Variants in PLB1 observed in about 807,000 individuals in gnomAD.
PLB1 encodes phospholipase B1, also known as phospholipase B1, membrane-associated.
In PLB1, 242 loss-of-function variants were observed where a neutral mutation model predicts 227.4. The ratio of observed to expected loss-of-function variants is 1.06; its 90% CI spans 0.96 to 1.18. PLB1 has a LOEUF of 1.18. Ranked by LOEUF, PLB1 falls within the 50% of genes most tolerant of loss-of-function variation. The pLI, the probability that PLB1 is intolerant of heterozygous loss-of-function variation, is 0.00. For missense variants in PLB1, 1,858 were observed against 1,816.3 expected, an observed-to-expected ratio of 1.02 and a Z score of -0.42; for synonymous variants, 757 against 682.2, an observed-to-expected ratio of 1.11 and a Z score of -1.71.
intron 1 of PLB1, among the ~76,000 whole-genome samples, chr2:28,509,036 C>A (rs542519150): frequency 6.6e-6 from 1 of 152,260 alleles, no homozygotes; most frequent in East Asian, 1.9e-4. Flanking sequence ...ATAACGACCT[C>A]ATGAAGAAGA....
chr2:28,539,238 G>T (rs1274379788), intron 11 of PLB1, 60 bp downstream of exon 11: 1 of 1,449,594 alleles, frequency 6.9e-7, no homozygotes. Flanking sequence ...TGTGCGGCCT[G>T]TGGGGGCCCT....
At chr2:28,618,148 G>A (rs1169501967) in intron 45 of PLB1, among the ~76,000 whole-genome samples, 193 bp from the exon 46 acceptor site, 1 of 152,214 alleles carries the variant, frequency 6.6e-6, no homozygotes. Flanking sequence ...GTGGATGATA[G>A]CCATGGAACC....
chr2:28,541,861 G>A (rs761250186), intron 13 of PLB1, 50 bp downstream of exon 13: 3 of 1,441,390 alleles, frequency 2.1e-6, no homozygotes, highest in Non-Finnish European at 2.9e-6. Context: ...GGCCGGGCAT[G>A]GTGGCTCACT....
intron 40 of PLB1, among the ~76,000 whole-genome samples, 171 bp downstream of exon 40, chr2:28,604,218 G>A (rs1684327355): frequency 6.6e-6 from 1 of 152,190 alleles, no homozygotes; most frequent in Non-Finnish European, 1.5e-5. Context: ...TGGTGTCTCA[G>A]GTGCCCTGGT....
chr2:28,505,352 A>G (rs1174284515), intron 1 of PLB1, among the ~76,000 whole-genome samples: 1 of 152,238 alleles, frequency 6.6e-6, no homozygotes, highest in African/African-American at 2.4e-5. Context: ...TACATATGAA[A>G]ACAGATTCCT....
At chr2:28,557,951 A>G (rs1675392026) in intron 17 of PLB1, among the ~76,000 whole-genome samples, 2 of 152,118 alleles carry the variant, frequency 1.3e-5, no homozygotes, top group African/African-American at 4.8e-5. Context: ...AACTCCTCCC[A>G]CCCAGGTTTG....
chr2:28,496,066 C>T lies in PLB1; in HGVS notation c.-49C>T. 6.3e-7 allele frequency: 1 copy of T among 1,575,864 alleles called. No individual in the cohort carries two copies. Among genetic ancestry groups the T allele is most frequent in the South Asian group, 1.1e-5 (1 of 90,270 alleles). On this transcript the variant is annotated 5_prime_UTR_variant, in exon 1 of 58. Coordinates refer to ENST00000327757, the MANE Select transcript of PLB1 (RefSeq NM_153021.5). Reference sequence around the variant, plus strand: ...GGAGGAGGTGTGATAGCCCATCCATCTGCTGGAGCAGCTCTTCCAGAGGCC... The same window carrying T: ...GGAGGAGGTGTGATAGCCCATCCATTTGCTGGAGCAGCTCTTCCAGAGGCC...
chr2:28,544,995 A>G (rs1204302699), intron 14 of PLB1, among the ~76,000 whole-genome samples: 1 of 152,128 alleles, frequency 6.6e-6, no homozygotes, highest in African/African-American at 2.4e-5. Flanking sequence ...TGGTGGCAAT[A>G]GCAATAATAA....
In PLB1 at chr2:28,579,786, G is replaced by A. The variant is rs1679614737; in HGVS notation, c.1566+79G>A. The A allele has an allele frequency of 1.1e-5, 14 of 1,227,314 alleles. No individual in the cohort carries two copies. In the South Asian group the frequency reaches 1.2e-4, roughly 11 times the overall value. 76.0% of individuals were successfully genotyped at this position (1,227,314 alleles called of 1,614,324 possible). ...GCCCGGTCACTTGCTCTGCCCGGGA[G>A]GAGTACAGCTAAGTTGGGACTCAGG... On this transcript the variant is annotated intron_variant, in intron 23 of 57. Coordinates refer to ENST00000327757, the MANE Select transcript of PLB1 (RefSeq NM_153021.5).
chr2:28,554,260 G>A (rs1291151550), intron 17 of PLB1, among the ~76,000 whole-genome samples: 1 of 151,932 alleles, frequency 6.6e-6, no homozygotes, highest in Non-Finnish European at 1.5e-5. Flanking sequence ...ATTAGGTATA[G>A]ATACAGATAG....
At chr2:28,579,115 C>T (rs1219365001) in intron 22 of PLB1, among the ~76,000 whole-genome samples, 4 of 152,220 alleles carry the variant, frequency 2.6e-5, no homozygotes, top group African/African-American at 9.6e-5. Flanking sequence ...CCTTACCCTA[C>T]TCAGCCTCTC....
intron 41 of PLB1, among the ~76,000 whole-genome samples, chr2:28,604,998 A>G (rs938617589): frequency 1.3e-5 from 2 of 152,180 alleles, no homozygotes; most frequent in African/African-American, 2.4e-5. Flanking sequence ...TGTGCTTCCC[A>G]TAGATAAAAC....
chr2:28,521,353 A>G (rs1190739787), intron 4 of PLB1, among the ~76,000 whole-genome samples: 1 of 152,180 alleles, frequency 6.6e-6, no homozygotes, highest in African/African-American at 2.4e-5. Flanking sequence ...AGAAATCACC[A>G]CACTATTTTC....
At position 28,525,933 on chromosome 2, in the gene PLB1, G is replaced by A. The variant is rs1290180788; in HGVS notation, c.313G>A (p.Gly105Arg). The A allele has an allele frequency of 1.9e-6, 3 of 1,614,012 alleles. No individual in the cohort carries two copies. The highest frequency in any genetic ancestry group is 2.2e-5 in the East Asian group (1 of 44,870). ...WTERPQQVCMGVMTVLSDIIR... is the reference protein window; with the variant it reads ...WTERPQQVCMRVMTVLSDIIR... ...TGAAAGGCCACAGCAGGTGTGCATGGGAGTGATGACAGGTGAGTTGTGGTT... is the reference window on the plus strand; with the variant it reads ...TGAAAGGCCACAGCAGGTGTGCATGAGAGTGATGACAGGTGAGTTGTGGTT... The change falls in exon 6 of 58, where the codon GGA becomes AGA. Residue 105 changes from glycine (G) to arginine (R), a missense_variant. Physicochemically the swap from Gly to Arg is moderately radical, Grantham distance 125. Transcript: ENST00000327757.
chr2:28,524,115 C>T lies in PLB1; in HGVS notation c.244-1152C>T, dbSNP rs187110412. On this transcript the variant is annotated intron_variant, in intron 4 of 57. Coordinates refer to ENST00000327757, the MANE Select transcript of PLB1 (RefSeq NM_153021.5). ...TGACCTAGGTCTATAGGCAGGTGCT[C>T]ATTGTGGCTGGGTGGTCAGGACAGA... 1.3e-5 allele frequency among the ~76,000 whole-genome samples: 2 copies of T among 152,270 alleles called. 1 individual carries two copies. The highest frequency in any genetic ancestry group is 3.9e-4 in the East Asian group (2 of 5,174).
intron 23 of PLB1, among the ~76,000 whole-genome samples, chr2:28,581,508 AATAAAT>A (rs2148269767): frequency 7.0e-6 from 1 of 143,164 alleles, no homozygotes; most frequent in African/African-American, 2.7e-5. Context: ...TAAATAAATA[AATAAAT>A]AAATAAATAA....
chr2:28,585,499 ACTCCTGAC>A, intron 25 of PLB1: 1 of 370,562 alleles, frequency 2.7e-6, no homozygotes, highest in African/African-American at 2.1e-5. Flanking sequence ...CTGGTCTTGA[ACTCCTGAC>A]CTCAAGTGAT....
intron 14 of PLB1, among the ~76,000 whole-genome samples, chr2:28,543,487 A>C (rs1441363642): frequency 6.6e-6 from 1 of 152,216 alleles, no homozygotes; most frequent in African/African-American, 2.4e-5. Flanking sequence ...GCCAGTGAGC[A>C]GCAAAGGTCT....
intron 31 of PLB1, among the ~76,000 whole-genome samples, chr2:28,591,965 C>T (rs751935804): frequency 1.2e-4 from 19 of 152,212 alleles, no homozygotes; most frequent in Admixed American, 2.0e-4. Context: ...CACCAAGGCA[C>T]CTAGGACCAG....
Sources: allele counts gnomAD v4.1 joint callset (sites outside exome capture counted in the v4.1 genomes callset), GRCh38; gene constraint gnomAD v4.1.1; transcripts MANE v1.5; gene names NCBI Gene and HGNC (gene_info 2026-07-23, HGNC 2026-07-21).